The following TTC27 variants were observed in gnomAD, a reference collection of about 807,000 sequenced individuals.
The protein encoded by TTC27 is tetratricopeptide repeat domain 27.
In TTC27, 79 loss-of-function variants were observed where a neutral mutation model predicts 115.9. The observed-to-expected ratio is 0.68, with a 90% CI of 0.57 to 0.82. The LOEUF (loss-of-function observed/expected upper bound fraction) is 0.82. Ranked by LOEUF, TTC27 falls within the 40% of genes least tolerant of loss-of-function variation. The pLI is 0.00. For missense variants in TTC27, 1,054 were observed against 993.1 expected, an observed-to-expected ratio of 1.06 and a Z score of -0.82; for synonymous variants, 401 against 356.0, an observed-to-expected ratio of 1.13 and a Z score of -1.42.
chr2:32,741,193 A>G (rs1668622736), intron 12 of TTC27, among the ~76,000 whole-genome samples: 1 of 152,298 alleles, frequency 6.6e-6, no homozygotes, highest in African/African-American at 2.4e-5. Context: ...ATTCTTTAGG[A>G]GATTGCTTTC....
At chr2:32,800,335 C>G (rs115031052) in intron 16 of TTC27, among the ~76,000 whole-genome samples, 9,097 of 151,538 alleles carry the variant, frequency 0.06, 535 homozygotes, top group African/African-American at 0.15. Flanking sequence ...AGGCATGCCA[C>G]CATGCCTGGC....
intron 9 of TTC27, among the ~76,000 whole-genome samples, chr2:32,682,553 T>C (rs1020712712): frequency 6.6e-6 from 1 of 152,194 alleles, no homozygotes; most frequent in Admixed American, 6.5e-5. Context: ...TTTTTCTTGC[T>C]GCGCATCCAT....
At chr2:32,758,815 G>A (rs1030950954) in intron 13 of TTC27, among the ~76,000 whole-genome samples, 2 of 152,044 alleles carry the variant, frequency 1.3e-5, no homozygotes, top group Middle Eastern at 3.4e-3. Flanking sequence ...AATTTTGAGC[G>A]GATATGTTAG....
intron 8 of TTC27, among the ~76,000 whole-genome samples, chr2:32,673,147 A>G (rs76706280): frequency 0.27 from 39,956 of 150,136 alleles, 5,866 homozygotes; most frequent in Middle Eastern, 0.45. Flanking sequence ...TGAAATTTAC[A>G]AGTCCATTAC....
intron 10 of TTC27, among the ~76,000 whole-genome samples, chr2:32,714,289 T>C (rs1356194088): frequency 1.3e-5 from 2 of 151,602 alleles, no homozygotes; most frequent in African/African-American, 2.4e-5. Context: ...CTCCCGAGTA[T>C]CTGGCACTAC....
chr2:32,637,805 T>A (rs1256327521), intron 3 of TTC27, among the ~76,000 whole-genome samples: 1 of 152,224 alleles, frequency 6.6e-6, no homozygotes, highest in East Asian at 1.9e-4. Flanking sequence ...AGTCAGTATA[T>A]TCACTGTACA....
At chr2:32,793,775 G>A (rs1442991536) in intron 16 of TTC27, among the ~76,000 whole-genome samples, 6 of 151,948 alleles carry the variant, frequency 3.9e-5, no homozygotes, top group South Asian at 2.1e-4. Context: ...CATCCACCTC[G>A]GCCTCCCAAA....
intron 4 of TTC27, among the ~76,000 whole-genome samples, chr2:32,648,435 C>T (rs989072771): frequency 7.8e-6 from 1 of 128,230 alleles, no homozygotes; most frequent in South Asian, 2.8e-4. Flanking sequence ...TGGCACCCCC[C>T]CTTTTTTTTT....
chr2:32,646,381 C>T (rs1664860627), intron 4 of TTC27, among the ~76,000 whole-genome samples: 1 of 151,788 alleles, frequency 6.6e-6, no homozygotes, highest in Non-Finnish European at 1.5e-5. Context: ...ATTGCCCAGG[C>T]TTGTCTGAAA....
chr2:32,641,236 G>A (rs879032864), intron 4 of TTC27, among the ~76,000 whole-genome samples: 73 of 152,282 alleles, frequency 4.8e-4, no homozygotes, highest in Admixed American at 4.6e-3. Flanking sequence ...ATGCTAATAT[G>A]CAGAAAGAAA....
rs138853484 is a variant in TTC27, at chr2:32,793,069, A to T, written c.1998+5920A>T. Among the ~76,000 whole-genome samples the T allele has an allele frequency of 1.9e-3, 291 of 152,256 alleles. 1 individual carries two copies. The highest frequency in any genetic ancestry group is 6.6e-3 in the African/African-American group (276 of 41,550). Reference sequence around the variant, plus strand: ...AATGAAATCAAGATGTGGGTAAGGGATTTAAAGGCCATTATATGAACTCAG... The same window carrying T: ...AATGAAATCAAGATGTGGGTAAGGGTTTTAAAGGCCATTATATGAACTCAG... On this transcript the variant is annotated intron_variant, in intron 16 of 19. Coordinates refer to ENST00000317907, the MANE Select transcript of TTC27 (RefSeq NM_017735.5).
chr2:32,748,189 GT>G (rs1427688889), intron 12 of TTC27, among the ~76,000 whole-genome samples: 1 of 151,760 alleles, frequency 6.6e-6, no homozygotes, highest in Admixed American at 6.6e-5. Flanking sequence ...TTTTAATTTT[GT>G]TGTAATTTCT....
At chr2:32,648,149 C>T (rs756541102) in intron 4 of TTC27, among the ~76,000 whole-genome samples, 4 of 151,148 alleles carry the variant, frequency 2.6e-5, no homozygotes, top group Admixed American at 6.6e-5. Context: ...TTTTTTGAGA[C>T]GGAGTTTCAC....
At chr2:32,639,154 A>G (rs954651025) in intron 3 of TTC27, among the ~76,000 whole-genome samples, 2 of 152,146 alleles carry the variant, frequency 1.3e-5, no homozygotes, top group African/African-American at 4.8e-5. Flanking sequence ...TTCATAATTG[A>G]TGAAACTGAG....
rs183438197 is a variant in TTC27, at chr2:32,815,383, G to A, written c.2309-2074G>A. ...TCCCAAGCCAGCTGGGACTACAGGC[G>A]CCCACCACCACGCCCGGCTAATTTT... On this transcript the variant is annotated intron_variant, in intron 18 of 19. Coordinates refer to ENST00000317907, the MANE Select transcript of TTC27 (RefSeq NM_017735.5). Among the ~76,000 whole-genome samples the A allele has an allele frequency of 4.5e-3, 680 of 151,444 alleles. 10 individuals carry two copies. The highest frequency in any genetic ancestry group is 0.016 in the African/African-American group (645 of 41,200).
intron 4 of TTC27, among the ~76,000 whole-genome samples, chr2:32,646,753 T>C (rs1422807065): frequency 6.6e-6 from 1 of 151,300 alleles, no homozygotes; most frequent in African/African-American, 2.4e-5. Flanking sequence ...TTAGTAGAGA[T>C]GGGATTTCAT....
At chr2:32,766,451 ATATTGTTGTGTCTTAGGGAAGC>A (rs1044444463) in intron 13 of TTC27, 26 of 439,138 alleles carry the variant, frequency 5.9e-5, no homozygotes, top group African/African-American at 5.1e-4. Flanking sequence ...TCTAATTTCA[ATATTGTTGTGTCTTAGGGAAGC>A]GGGAGGCCTG....
intron 7 of TTC27, among the ~76,000 whole-genome samples, chr2:32,671,376 G>A (rs757597667): frequency 6.6e-6 from 1 of 151,714 alleles, no homozygotes; most frequent in African/African-American, 2.4e-5. Context: ...GTCTTGCTGT[G>A]TTACTCAGGC....
At chr2:32,763,177 G>A (rs1255153902) in intron 13 of TTC27, among the ~76,000 whole-genome samples, 2 of 152,160 alleles carry the variant, frequency 1.3e-5, no homozygotes, top group Non-Finnish European at 2.9e-5. Context: ...CAATTCAGGC[G>A]GGCGGTAAAC....
Sources: gnomAD v4.1 joint callset for allele counts (sites outside exome capture counted in the v4.1 genomes callset) on GRCh38, gnomAD v4.1.1 for gene constraint, MANE v1.5 for transcripts, NCBI Gene and HGNC (gene_info 2026-07-23, HGNC 2026-07-21) for gene names.